Variants in BCLAF3 observed in about 807,000 individuals in gnomAD.
BCLAF3 encodes the protein transient octamer binding factor 1.
In BCLAF3, 24 loss-of-function variants were observed where a neutral mutation model predicts 51.2. That is an observed-to-expected ratio of 0.47 (90% CI 0.34 to 0.66). The LOEUF (loss-of-function observed/expected upper bound fraction) is 0.66. BCLAF3 is among the 30% of genes least tolerant of loss of function. BCLAF3 has a pLI of 0.01. For synonymous variants in BCLAF3, 152 were observed against 176.6 expected (o/e 0.86, Z 1.10); for missense variants, 465 against 525.1 (o/e 0.89, Z 1.12).
At chrX:19,953,509 A>C (rs1345606577) in intron 6 of BCLAF3, among the ~76,000 whole-genome samples, 1 of 112,221 alleles carries the variant, frequency 8.9e-6, no homozygotes, top group East Asian at 2.8e-4. Context: ...TACTATTGAC[A>C]GCAGAAGTGA....
At chrX:19,948,405 G>A (rs775571900) in intron 8 of BCLAF3, among the ~76,000 whole-genome samples, 31 of 111,779 alleles carry the variant, frequency 2.8e-4, no homozygotes, top group Non-Finnish European at 4.1e-4. Context: ...ATGGATGAGC[G>A]TTAAAAGCAT....
At chrX:19,932,832 G>A (rs375825045) in intron 10 of BCLAF3, among the ~76,000 whole-genome samples, 3 of 111,330 alleles carry the variant, frequency 2.7e-5, no homozygotes, top group Admixed American at 9.6e-5. Flanking sequence ...ATGCCTGGCC[G>A]GATATGAGTC....
intron 11 of BCLAF3, among the ~76,000 whole-genome samples, chrX:19,924,199 T>C (rs922358223): frequency 9.0e-6 from 1 of 111,451 alleles, no homozygotes; most frequent in Non-Finnish European, 1.9e-5. Context: ...TGGAGAGTAG[T>C]CAGGGTTGAA....
rs1051086402 is a variant in BCLAF3 at position 19,922,910 on chromosome X, A to C, written c.2107-5576T>G. On this transcript the variant is annotated intron_variant, in intron 11 of 11. Transcript: ENST00000379682. ...GACTCCATCTCAAAAAAAAAAAATT[A>C]TATGGAGAAAGTGGAATGAAGTCCA... Among the ~76,000 whole-genome samples the C allele has an allele frequency of 2.3e-4, 26 of 110,677 alleles. No homozygotes were observed. The Admixed American group carries it at 2.5e-3, about 11-fold the overall frequency.
Position 19,937,536 on chromosome X carries a change from A to C in BCLAF3, c.1746-4T>G. 1.1e-6 allele frequency: 1 copy of C among 911,907 alleles called. No homozygotes were observed. Among genetic ancestry groups the C allele is most frequent in the Non-Finnish European group, 1.5e-6 (1 of 648,720 alleles). 75.2% of individuals were successfully genotyped at this position (911,907 alleles called of 1,213,427 possible). A position where few individuals can be genotyped will look rare whatever the true frequency, so the allele number is the denominator to read the frequency against. On this transcript the variant is annotated splice_region_variant and splice_polypyrimidine_tract_variant and intron_variant, in intron 8 of 11. Transcript: ENST00000379682. ...AAAACTGGAATTCTGATCATCCCTA[A>C]TAAGGAAACAGAGAAAATAAGAATA...
At chrX:19,945,075 G>A (rs937317441) in intron 8 of BCLAF3, among the ~76,000 whole-genome samples, 12 of 109,523 alleles carry the variant, frequency 1.1e-4, no homozygotes, top group Non-Finnish European at 1.5e-4. Flanking sequence ...ATCGGCTCCT[G>A]AGGCTTCTGC....
chrX:19,939,457 A>G (rs2147804637), intron 8 of BCLAF3, among the ~76,000 whole-genome samples: 1 of 112,090 alleles, frequency 8.9e-6, no homozygotes, highest in East Asian at 2.8e-4. Context: ...TGGGCAAAGG[A>G]TTTGAATAGA....
intron 4 of BCLAF3, among the ~76,000 whole-genome samples, chrX:19,962,215 T>G (rs2071881660): frequency 8.9e-6 from 1 of 111,848 alleles, no homozygotes; most frequent in Non-Finnish European, 1.9e-5. Context: ...AGGGTCTCGC[T>G]TTGTCACCCA....
chrX:19,946,091 T>C (rs1476239699), intron 8 of BCLAF3, among the ~76,000 whole-genome samples: 55 of 110,688 alleles, frequency 5.0e-4, no homozygotes, highest in Non-Finnish European at 8.2e-4. Context: ...CCCTGACCCC[T>C]TGCGCTTCCC....
chrX:19,956,278 T>C (rs2071660134), intron 4 of BCLAF3, among the ~76,000 whole-genome samples: 1 of 111,848 alleles, frequency 8.9e-6, no homozygotes, highest in Non-Finnish European at 1.9e-5. Flanking sequence ...TCTCCTGACC[T>C]CTAAGTACTT....
Position 19,929,932 on chromosome X carries a change from A to G in BCLAF3, c.1959T>C (p.Phe653=), listed in dbSNP as rs1213857055. The part of the protein sequence containing the change: ...NTRVRPFKSN[F]RGGRCQPNYK... ...AATTGGGCTGGCATCTGCCACCTCT[A>G]AAGTTGCTCTGTGAAGGAAAAAAAA... The change falls in exon 11 of 12, where the codon TTT becomes TTC. Residue 653 remains phenylalanine, a synonymous_variant. Coordinates refer to ENST00000379682, the MANE Select transcript of BCLAF3 (RefSeq NM_001367774.2). The G allele has an allele frequency of 2.5e-6, 3 of 1,201,689 alleles. No individual in the cohort carries two copies. The highest frequency in any genetic ancestry group is 2.3e-4 in the Middle Eastern group (1 of 4,287).
chrX:19,969,820 C>T (rs756632904), intron 2 of BCLAF3, among the ~76,000 whole-genome samples: 3 of 111,867 alleles, frequency 2.7e-5, no homozygotes, highest in South Asian at 3.8e-4. Flanking sequence ...GGACTATAAT[C>T]GAACTATTCA....
intron 1 of BCLAF3, among the ~76,000 whole-genome samples, chrX:19,985,600 T>C (rs1309663949): frequency 9.2e-6 from 1 of 109,190 alleles, no homozygotes; most frequent in Non-Finnish European, 1.9e-5. Context: ...AAAAGAAACT[T>C]AAAAAATAAC....
chrX:19,969,885 C>T (rs2072200088), intron 2 of BCLAF3, among the ~76,000 whole-genome samples: 2 of 112,129 alleles, frequency 1.8e-5, no homozygotes, highest in African/African-American at 3.2e-5. Flanking sequence ...TTTTCTAACT[C>T]GAAATTTCTT....
chrX:19,984,453 T>A (rs1351328275), intron 1 of BCLAF3, among the ~76,000 whole-genome samples: 1 of 111,128 alleles, frequency 9.0e-6, no homozygotes, highest in Non-Finnish European at 1.9e-5. Context: ...TACTAATGAA[T>A]ACAGTTTCTT....
At chrX:19,968,149 T>C (rs763094855) in intron 2 of BCLAF3, among the ~76,000 whole-genome samples, 1 of 112,979 alleles carries the variant, frequency 8.9e-6, no homozygotes, top group East Asian at 2.8e-4. Context: ...ATATGTTTCA[T>C]AGCACAGTGT....
intron 11 of BCLAF3, 22 bp from the exon 12 acceptor site, chrX:19,917,356 A>T (rs1157840710): frequency 1.7e-6 from 2 of 1,158,846 alleles, no homozygotes; most frequent in Non-Finnish European, 2.3e-6. Context: ...AAACAAGAGA[A>T]ATAAAGACTT....
At chrX:19,934,834 G>C (rs2070696996) in intron 10 of BCLAF3, among the ~76,000 whole-genome samples, 1 of 111,946 alleles carries the variant, frequency 8.9e-6, no homozygotes, top group Non-Finnish European at 1.9e-5. Flanking sequence ...TTACAGGCAA[G>C]AAACTGTCAA....
chrX:19,973,107 G>A (rs2072308975), intron 1 of BCLAF3, among the ~76,000 whole-genome samples: 1 of 111,545 alleles, frequency 9.0e-6, no homozygotes, highest in Non-Finnish European at 1.9e-5. Flanking sequence ...AGTGTATGAG[G>A]GTTCTAATTT....
Sources: allele counts gnomAD v4.1 joint callset (sites outside exome capture counted in the v4.1 genomes callset), GRCh38; gene constraint gnomAD v4.1.1; transcripts MANE v1.5; gene names NCBI Gene and HGNC (gene_info 2026-07-23, HGNC 2026-07-21).